Variants in CPED1 observed in about 807,000 individuals in gnomAD.
The protein encoded by CPED1 is cadherin like and PC-esterase domain containing 1.
Under a neutral mutation model 128.2 loss-of-function variants are expected in CPED1, and 114 were observed. That is an observed-to-expected ratio of 0.89 (90% CI 0.76 to 1.04). The LOEUF is 1.04. CPED1 is among the 50% of genes least tolerant of loss of function. The probability of loss-of-function intolerance (pLI) is 0.00; values close to 1 mark genes in which losing one functional copy is unlikely to be tolerated. For synonymous variants in CPED1, 462 were observed against 426.7 expected (o/e 1.08, Z -1.02); for missense variants, 1,211 against 1,207.1 (o/e 1.00, Z -0.05).
intron 3 of CPED1, among the ~76,000 whole-genome samples, chr7:121,037,511 T>C (rs1792926201): frequency 6.6e-6 from 1 of 152,208 alleles, no homozygotes; most frequent in Non-Finnish European, 1.5e-5. Flanking sequence ...CCTATTTTTA[T>C]ACTAGTACCA....
At chr7:121,196,131 C>G (rs1797267149) in intron 16 of CPED1, among the ~76,000 whole-genome samples, 1 of 152,002 alleles carries the variant, frequency 6.6e-6, no homozygotes, top group Non-Finnish European at 1.5e-5. Context: ...AATAATTTAG[C>G]TGCTTTGGGA....
At chr7:121,246,602 C>T (rs141723800) in intron 18 of CPED1, among the ~76,000 whole-genome samples, 8 of 152,296 alleles carry the variant, frequency 5.3e-5, no homozygotes, top group East Asian at 1.9e-4. Context: ...CTTATCTAAA[C>T]GTAATGACCT....
intron 16 of CPED1, among the ~76,000 whole-genome samples, chr7:121,235,718 A>T (rs1294216919): frequency 6.6e-6 from 1 of 152,180 alleles, no homozygotes; most frequent in Non-Finnish European, 1.5e-5. Context: ...CATTCAGTAT[A>T]GTAGAAAAGA....
At chr7:121,172,374 A>G (rs1368375042) in intron 16 of CPED1, among the ~76,000 whole-genome samples, 1 of 150,092 alleles carries the variant, frequency 6.7e-6, no homozygotes, top group African/African-American at 2.5e-5. Flanking sequence ...CCTGACTGAA[A>G]TACTCTTGTT....
At chr7:121,233,653 G>A (rs1193023933) in intron 16 of CPED1, among the ~76,000 whole-genome samples, 1 of 152,082 alleles carries the variant, frequency 6.6e-6, no homozygotes, top group Admixed American at 6.6e-5. Flanking sequence ...AGAAATGAGA[G>A]ACACTAATGA....
intron 16 of CPED1, among the ~76,000 whole-genome samples, chr7:121,219,609 T>C (rs962068725): frequency 1.3e-5 from 2 of 152,028 alleles, no homozygotes; most frequent in Non-Finnish European, 2.9e-5. Context: ...TCTTTCACAG[T>C]ATAATGAATA....
Position 121,161,476 on chromosome 7 carries a change from T to A in CPED1, c.2055+19335T>A, listed in dbSNP as rs149009122. Among the ~76,000 whole-genome samples the A allele has an allele frequency of 2.6e-5, 4 of 152,290 alleles. No individual in the cohort carries two copies. In the East Asian group the frequency reaches 7.7e-4, roughly 29 times the overall value. On this transcript the variant is annotated intron_variant, in intron 16 of 22. Coordinates refer to ENST00000310396, the MANE Select transcript of CPED1 (RefSeq NM_024913.5). ...GATTTTTCTCTCTCTGTCTTTCCTA[T>A]CTCTGACCTCTAGACCCAGATTTTA...
intron 22 of CPED1, among the ~76,000 whole-genome samples, chr7:121,290,436 G>A (rs964983014): frequency 7.2e-5 from 11 of 152,258 alleles, no homozygotes; most frequent in South Asian, 2.1e-4. Context: ...GTGTAAAAGC[G>A]TTCCTATTTC....
intron 16 of CPED1, among the ~76,000 whole-genome samples, chr7:121,157,271 G>A (rs1356718070): frequency 1.3e-5 from 2 of 152,150 alleles, no homozygotes; most frequent in African/African-American, 4.8e-5. Flanking sequence ...ATTTACATAT[G>A]AGGTTAGGTT....
At chr7:121,215,043 C>G (rs1224982101) in intron 16 of CPED1, among the ~76,000 whole-genome samples, 2 of 151,988 alleles carry the variant, frequency 1.3e-5, no homozygotes, top group African/African-American at 4.8e-5. Flanking sequence ...GATGGCAAGC[C>G]TTTACTCTTC....
intron 16 of CPED1, among the ~76,000 whole-genome samples, chr7:121,178,138 C>A (rs1006211021): frequency 9.2e-5 from 14 of 152,004 alleles, no homozygotes; most frequent in Admixed American, 7.9e-4. Context: ...CACTTTTTGG[C>A]ATGCAGCCTC....
chr7:121,033,090 A>G (rs1343678929), intron 3 of CPED1, among the ~76,000 whole-genome samples: 1 of 152,208 alleles, frequency 6.6e-6, no homozygotes, highest in Non-Finnish European at 1.5e-5. Context: ...CTAGCAAATA[A>G]GAGAAAACTG....
At chr7:121,040,608 G>T (rs972487468) in intron 3 of CPED1, among the ~76,000 whole-genome samples, 2 of 151,974 alleles carry the variant, frequency 1.3e-5, no homozygotes, top group African/African-American at 4.8e-5. Context: ...CCTGATAAAG[G>T]ATGGATACAG....
chr7:121,201,778 C>T (rs569698621), intron 16 of CPED1, among the ~76,000 whole-genome samples: 1 of 152,068 alleles, frequency 6.6e-6, no homozygotes, highest in Non-Finnish European at 1.5e-5. Context: ...CTCCTCTACA[C>T]CTAATCTGCA....
chr7:121,221,978 T>A (rs1182145296), intron 16 of CPED1, among the ~76,000 whole-genome samples: 2 of 152,214 alleles, frequency 1.3e-5, no homozygotes, highest in African/African-American at 4.8e-5. Context: ...CATCTGTCTA[T>A]TTTGGCTTTT....
At chr7:121,017,773 A>G (rs1386271401) in intron 3 of CPED1, among the ~76,000 whole-genome samples, 1 of 152,174 alleles carries the variant, frequency 6.6e-6, no homozygotes, top group Admixed American at 6.5e-5. Flanking sequence ...TTACCACAAA[A>G]AGGAGAATTA....
chr7:121,237,680 C>T (rs1198172836), intron 17 of CPED1, among the ~76,000 whole-genome samples: 1 of 152,122 alleles, frequency 6.6e-6, no homozygotes, highest in Non-Finnish European at 1.5e-5. Context: ...CTGCTCTGTC[C>T]TCCTGACCCC....
intron 2 of CPED1, among the ~76,000 whole-genome samples, chr7:120,994,965 C>A (rs770391020): frequency 1.3e-5 from 2 of 152,090 alleles, no homozygotes; most frequent in South Asian, 4.1e-4. Context: ...TTCTTGAACA[C>A]CCCCTTTTCA....
Position 121,241,347 on chromosome 7 carries a change from C to CAAAAA in CPED1, c.2174-2821_2174-2817dup, listed in dbSNP as rs1030223751. 5.4e-4 allele frequency among the ~76,000 whole-genome samples: 3 copies of CAAAAA among 5,556 alleles called. 1 individual carries two copies. The highest frequency in any genetic ancestry group is 0.013 in the South Asian group (1 of 76). The allele number at this position is 5,556 out of a possible 152,430, so 3.6% of individuals were successfully genotyped here. ...TGGGCGACAGAGCGAGACTCCGTCT[C>CAAAAA]AAAAAAAAAAAAAAAAAAAAAAAAA... On this transcript the variant is annotated intron_variant, in intron 17 of 22. Transcript: ENST00000310396.
Sources: gnomAD v4.1 joint callset for allele counts (sites outside exome capture counted in the v4.1 genomes callset) on GRCh38, gnomAD v4.1.1 for gene constraint, MANE v1.5 for transcripts, NCBI Gene and HGNC (gene_info 2026-07-23, HGNC 2026-07-21) for gene names.